Variants in KDM4C observed in about 807,000 individuals in gnomAD.
The protein encoded by KDM4C is lysine demethylase 4C.
KDM4C carries 81 observed loss-of-function variants against 129.3 expected under a neutral mutation model. The ratio of observed to expected loss-of-function variants is 0.63; its 90% CI spans 0.52 to 0.75. The LOEUF (loss-of-function observed/expected upper bound fraction) is 0.75. KDM4C is among the 30% of genes least tolerant of loss of function. The pLI is 0.00. For missense variants in KDM4C, 1,457 were observed against 1,304.0 expected (o/e 1.12, Z -1.81); for synonymous variants, 573 against 456.1 (o/e 1.26, Z -3.26).
At chr9:7,073,436 C>T (rs913540361) in intron 17 of KDM4C, among the ~76,000 whole-genome samples, 2 of 152,152 alleles carry the variant, frequency 1.3e-5, no homozygotes, top group South Asian at 4.1e-4. Flanking sequence ...CTGTGTAAAT[C>T]CTGGACTCCT....
At chr9:6,895,718 A>G (rs1433205958) in intron 8 of KDM4C, among the ~76,000 whole-genome samples, 3 of 152,212 alleles carry the variant, frequency 2.0e-5, no homozygotes, top group Admixed American at 6.5e-5. Flanking sequence ...TTAGCAACAG[A>G]GTGAGATCTT....
chr9:7,087,190 C>T (rs1313249082), intron 17 of KDM4C, among the ~76,000 whole-genome samples: 2 of 150,562 alleles, frequency 1.3e-5, no homozygotes, highest in South Asian at 4.2e-4. Flanking sequence ...AGGCATATAA[C>T]TCAGAAAGAG....
At chr9:6,820,284 G>C (rs909193351) in intron 4 of KDM4C, among the ~76,000 whole-genome samples, 1 of 152,158 alleles carries the variant, frequency 6.6e-6, no homozygotes, top group Non-Finnish European at 1.5e-5. Flanking sequence ...AGGAGAGAGA[G>C]TGAAAGGTGG....
chr9:6,736,571 T>C (rs930079509), intron 1 of KDM4C, among the ~76,000 whole-genome samples: 22 of 152,116 alleles, frequency 1.4e-4, no homozygotes, highest in African/African-American at 5.1e-4. Flanking sequence ...AGCGTCCATG[T>C]GGTGTTGAGC....
At chr9:6,840,985 G>A (rs1256326291) in intron 4 of KDM4C, among the ~76,000 whole-genome samples, 5 of 152,170 alleles carry the variant, frequency 3.3e-5, no homozygotes, top group African/African-American at 1.2e-4. Context: ...CTTGGTGATG[G>A]CATTTTTGTG....
At chr9:6,832,724 C>CTTTT (rs35060245) in intron 4 of KDM4C, among the ~76,000 whole-genome samples, 1 of 119,512 alleles carries the variant, frequency 8.4e-6, no homozygotes, top group African/African-American at 3.3e-5. Flanking sequence ...TGTGCCCGGC[C>CTTTT]TTTTTTTTTT....
intron 15 of KDM4C, among the ~76,000 whole-genome samples, chr9:7,035,827 C>G (rs1827553800): frequency 6.6e-6 from 1 of 152,272 alleles, no homozygotes; most frequent in East Asian, 1.9e-4. Context: ...GCTCTCTATT[C>G]TGTTCCCTTG....
intron 4 of KDM4C, among the ~76,000 whole-genome samples, chr9:6,840,153 G>T (rs1836646560): frequency 6.7e-6 from 1 of 149,326 alleles, no homozygotes; most frequent in Non-Finnish European, 1.5e-5. Context: ...GCTCACTGCA[G>T]CCTTGACCTC....
chr9:6,859,045 A>G (rs1588746364), intron 5 of KDM4C, among the ~76,000 whole-genome samples: 2 of 152,158 alleles, frequency 1.3e-5, no homozygotes, highest in Admixed American at 6.5e-5. Flanking sequence ...GTTACTGCAC[A>G]TGTGTTCATT....
chr9:7,154,084 G>T (rs753189124), intron 19 of KDM4C, among the ~76,000 whole-genome samples: 1 of 152,210 alleles, frequency 6.6e-6, no homozygotes, highest in Non-Finnish European at 1.5e-5. Context: ...GGAAGCTGGG[G>T]AAGGGAGTGT....
At position 7,174,709 on chromosome 9, in the gene KDM4C, A is replaced by G; in HGVS notation, c.3151A>G (p.Lys1051Glu). The G allele has an allele frequency of 6.2e-7, 1 of 1,614,126 alleles. No individual in the cohort carries two copies. ...RTFLKSSFQK[K>E]CQKRQ ...TTTTTTGAAGAGCTCTTTCCAGAAG[A>G]AGTGCCAGAAGAGACAGTAGTCTGC... Residue 1051 changes from lysine (K) to glutamate (E), a missense_variant, in exon 22 of 22, where the codon AAG (lysine) becomes GAG (glutamate). Lys to Glu is a moderately conservative substitution (Grantham distance 56). Transcript: ENST00000381309.
intron 5 of KDM4C, 90 bp downstream of exon 5, chr9:6,849,790 G>A (rs1838501957): frequency 9.5e-7 from 1 of 1,055,816 alleles, no homozygotes; most frequent in Admixed American, 2.2e-5. Flanking sequence ...CTTTGATTTG[G>A]TGGATTCAGA....
chr9:7,068,547 C>G (rs901654963), intron 17 of KDM4C, among the ~76,000 whole-genome samples: 1 of 152,148 alleles, frequency 6.6e-6, no homozygotes, highest in Non-Finnish European at 1.5e-5. Context: ...TATTTCAGAA[C>G]GTGCCAGCTG....
At chr9:6,733,775 C>CT (rs1279074064) in intron 1 of KDM4C, among the ~76,000 whole-genome samples, 3 of 152,160 alleles carry the variant, frequency 2.0e-5, no homozygotes, top group Admixed American at 2.0e-4. Flanking sequence ...TGCTGGTTGT[C>CT]TATTTTTATG....
intron 3 of KDM4C, among the ~76,000 whole-genome samples, chr9:6,813,501 T>C (rs1831536431): frequency 6.6e-6 from 1 of 152,240 alleles, no homozygotes. Flanking sequence ...GGGTCCCCAG[T>C]ATAGTGAGTG....
At chr9:6,881,770 G>T (rs773708443) in intron 6 of KDM4C, among the ~76,000 whole-genome samples, 1 of 152,170 alleles carries the variant, frequency 6.6e-6, no homozygotes, top group Non-Finnish European at 1.5e-5. Flanking sequence ...AATATTTTGA[G>T]GAATAAAGCA....
intron 19 of KDM4C, among the ~76,000 whole-genome samples, 180 bp downstream of exon 19, chr9:7,128,416 T>TGAG (rs1400394565): frequency 0.023 from 3,453 of 152,284 alleles, 111 homozygotes; most frequent in African/African-American, 0.078. Context: ...CATTCTTTTT[T>TGAG]TGGCCAAACG....
chr9:7,168,847 T>C (rs1318700239), intron 20 of KDM4C, among the ~76,000 whole-genome samples: 1 of 152,100 alleles, frequency 6.6e-6, no homozygotes, highest in African/African-American at 2.4e-5. Context: ...GGAGAATTGC[T>C]TGAGTCTAGT....
intron 4 of KDM4C, among the ~76,000 whole-genome samples, chr9:6,816,916 A>G (rs1450353738): frequency 6.7e-6 from 1 of 148,518 alleles, no homozygotes; most frequent in African/African-American, 2.5e-5. Flanking sequence ...ATACTTCTTT[A>G]TATATCCTGC....
Sources: allele counts gnomAD v4.1 joint callset (sites outside exome capture counted in the v4.1 genomes callset), GRCh38; gene constraint gnomAD v4.1.1; transcripts MANE v1.5; gene names NCBI Gene and HGNC (gene_info 2026-07-23, HGNC 2026-07-21).